Variants in ING5 observed in about 807,000 individuals in gnomAD.
The protein encoded by ING5 is inhibitor of growth protein 5.
In ING5, 17 loss-of-function variants were observed where a neutral mutation model predicts 37.4. The observed-to-expected ratio is 0.45, with a 90% CI of 0.31 to 0.68. The LOEUF (loss-of-function observed/expected upper bound fraction) is 0.68. Ranked by LOEUF, ING5 falls within the 30% of genes least tolerant of loss-of-function variation. The probability of loss-of-function intolerance (pLI) is 0.05; values close to 1 mark genes in which losing one functional copy is unlikely to be tolerated. For missense variants in ING5, 233 were observed against 311.9 expected (o/e 0.75, Z 1.91); for synonymous variants, 123 against 116.6 (o/e 1.06, Z -0.36).
intron 7 of ING5, chr2:241,723,865 C>A: frequency 6.6e-7 from 1 of 1,510,996 alleles, no homozygotes; most frequent in Non-Finnish European, 9.1e-7. Flanking sequence ...CAAAAATTAG[C>A]TGGGCGTGGT....
At chr2:241,697,481 G>C (rs1003777527), upstream of ING5, among the ~76,000 whole-genome samples, 7 of 151,734 alleles carry the variant, frequency 4.6e-5, no homozygotes, top group African/African-American at 1.7e-4. Context: ...GGAACATCCG[G>C]ACGTTGGAAT....
intron 1 of ING5, among the ~76,000 whole-genome samples, chr2:241,688,310 A>G (rs961743162): frequency 2.6e-5 from 4 of 152,170 alleles, no homozygotes; most frequent in Non-Finnish European, 4.4e-5. Context: ...TTCTGTTTTC[A>G]GAACCACCTG....
At chr2:241,700,900 A>C (rs2069707239), upstream of ING5, among the ~76,000 whole-genome samples, 1 of 151,074 alleles carries the variant, frequency 6.6e-6, no homozygotes, top group Non-Finnish European at 1.5e-5. Flanking sequence ...TGTTGGGATT[A>C]CAGGCGTGAG....
At chr2:241,693,762 A>G (rs919235434) in intron 2 of ING5, among the ~76,000 whole-genome samples, 1 of 147,516 alleles carries the variant, frequency 6.8e-6, no homozygotes, top group Non-Finnish European at 1.5e-5. Context: ...GGTTCAAGCA[A>G]TTCTCCTGCC....
At chr2:241,698,496 AGTGTGTGTGTGTGTGTGTGTGTGT>A (rs199798593), upstream of ING5, among the ~76,000 whole-genome samples, 27 of 147,526 alleles carry the variant, frequency 1.8e-4, no homozygotes, top group East Asian at 4.0e-3. Flanking sequence ...ATAATAGAGG[AGTGTGTGTGTGTGTGTGTGTGTGT>A]GTGTGTGTGT....
At chr2:241,704,754 A>G (rs779602006) in intron 2 of ING5, 30 bp downstream of exon 2, 6 of 1,586,962 alleles carry the variant, frequency 3.8e-6, no homozygotes, top group Admixed American at 1.7e-5. Context: ...TACAACCAGA[A>G]CTGAGTTCTG....
chr2:241,725,716 C>G lies in ING5; in HGVS notation c.*685C>G, dbSNP rs571056557. The G allele has an allele frequency of 2.6e-5, 4 of 152,758 alleles. No homozygotes were observed. Among genetic ancestry groups the G allele is most frequent in the South Asian group, 4.1e-4 (2 of 4,828 alleles). The allele number at this position is 152,758 out of a possible 1,614,324, so 9.5% of individuals were successfully genotyped here. A position where few individuals can be genotyped will look rare whatever the true frequency, so the allele number is the denominator to read the frequency against. On this transcript the variant is annotated 3_prime_UTR_variant, in exon 8 of 8. Coordinates refer to ENST00000313552, the MANE Select transcript of ING5 (RefSeq NM_032329.6). Reference sequence around the variant, plus strand: ...CTTGGAGTGGCCGCAGGTCCCGTGACCAGCACCCGCGAGACCCTGTGCGAC... The same window carrying G: ...CTTGGAGTGGCCGCAGGTCCCGTGAGCAGCACCCGCGAGACCCTGTGCGAC...
In ING5 at chr2:241,725,390, T is replaced by G; in HGVS notation, c.*359T>G. 1 of 279,706 alleles carries G rather than the reference T, an allele frequency of 3.6e-6. No homozygotes were observed. 17.3% of individuals were successfully genotyped at this position (279,706 alleles called of 1,614,324 possible). On this transcript the variant is annotated 3_prime_UTR_variant, in exon 8 of 8. Transcript: ENST00000313552. ...GGGCGGCCGCCACCCTCGCGTAGCTTTCCTGTGGTTTTCCAGGACTGTCCG... is the reference window on the plus strand; with the variant it reads ...GGGCGGCCGCCACCCTCGCGTAGCTGTCCTGTGGTTTTCCAGGACTGTCCG...
intron 1 of ING5, among the ~76,000 whole-genome samples, chr2:241,689,067 C>T (rs2069505505): frequency 1.3e-5 from 2 of 152,074 alleles, no homozygotes; most frequent in South Asian, 4.1e-4. Context: ...TCCCAAAGTG[C>T]TGAGATTACA....
chr2:241,709,455 A>C, intron 3 of ING5, 73 bp downstream of exon 3: 1 of 1,455,652 alleles, frequency 6.9e-7, no homozygotes. Context: ...AAATGTAAAA[A>C]CTGCCCGGAA....
In ING5 at chr2:241,724,062, T is replaced by C. The variant is rs191313430; in HGVS notation, c.680+791T>C. The stretch of plus-strand genomic sequence containing the variant: ...TGGCTTTGTTTGCCTGTGCTGAAAA[T>C]CTAAAAATGGATATCTATGTTCTGA... On this transcript the variant is annotated intron_variant, in intron 7 of 7. Coordinates refer to ENST00000313552, the MANE Select transcript of ING5 (RefSeq NM_032329.6). 5.8e-6 allele frequency: 8 copies of C among 1,385,402 alleles called. No individual in the cohort carries two copies. In the African/African-American group the frequency reaches 5.8e-5, roughly 10 times the overall value. 85.8% of individuals were successfully genotyped at this position (1,385,402 alleles called of 1,614,324 possible).
chr2:241,702,311 T>C (rs2069763082), intron 1 of ING5, among the ~76,000 whole-genome samples: 1 of 149,338 alleles, frequency 6.7e-6, no homozygotes, highest in Non-Finnish European at 1.5e-5. Flanking sequence ...TCCCGCCGGC[T>C]GGGTCGCGCC....
At chr2:241,721,449 G>C in intron 5 of ING5, 1 of 985,688 alleles carries the variant, frequency 1.0e-6, no homozygotes, top group Non-Finnish European at 1.2e-6. Context: ...CCCTGTGCCA[G>C]AGGGCAGCGG....
intron 7 of ING5, chr2:241,724,677 A>G (rs1057240160): frequency 2.8e-5 from 12 of 435,222 alleles, no homozygotes; most frequent in African/African-American, 2.2e-4. Flanking sequence ...GACTGCAGAC[A>G]GAGGGCACCA....
chr2:241,688,449 C>T (rs1265373268), intron 1 of ING5, among the ~76,000 whole-genome samples: 1 of 152,190 alleles, frequency 6.6e-6, no homozygotes, highest in Non-Finnish European at 1.5e-5. Flanking sequence ...GCAACAATTT[C>T]CCGGACTTTA....
At chr2:241,709,530 A>G (rs1351871278) in intron 3 of ING5, 148 bp downstream of exon 3, 1 of 687,106 alleles carries the variant, frequency 1.5e-6, no homozygotes, top group African/African-American at 1.8e-5. Flanking sequence ...TGCAGACGGA[A>G]TACACTTCAT....
At chr2:241,693,680 C>G (rs1413960611) in intron 2 of ING5, among the ~76,000 whole-genome samples, 5 of 73,982 alleles carry the variant, frequency 6.8e-5, no homozygotes, top group African/African-American at 2.1e-4. Flanking sequence ...TTTTTTGAGA[C>G]TGAGTCTTGC....
chr2:241,703,481 T>C (rs547556100), intron 1 of ING5, among the ~76,000 whole-genome samples: 5 of 152,278 alleles, frequency 3.3e-5, no homozygotes, highest in African/African-American at 1.2e-4. Context: ...TGGGGAATGG[T>C]TGCGCTAGCC....
intron 3 of ING5, among the ~76,000 whole-genome samples, chr2:241,710,595 CG>C (rs1413121203): frequency 2.0e-5 from 3 of 152,202 alleles, no homozygotes; most frequent in East Asian, 3.8e-4. Context: ...AGCGATTCTC[CG>C]GCTTCAGCCT....
Sources: gnomAD v4.1 joint callset for allele counts (sites outside exome capture counted in the v4.1 genomes callset) on GRCh38, gnomAD v4.1.1 for gene constraint, MANE v1.5 for transcripts, NCBI Gene and HGNC (gene_info 2026-07-23, HGNC 2026-07-21) for gene names.